NHS: variants seen among roughly 807,000 people sequenced by gnomAD.
NHS encodes the protein NHS actin remodeling regulator.
A neutral mutation model predicts 72.5 loss-of-function variants in NHS; 5 were observed. The observed-to-expected ratio is 0.07, with a 90% CI of 0.04 to 0.14. NHS has a LOEUF of 0.14. NHS is among the 10% of genes least tolerant of loss of function. The probability of loss-of-function intolerance (pLI) is 1.00; values close to 1 mark genes in which losing one functional copy is unlikely to be tolerated. For missense variants in NHS, 1,072 were observed against 1,355.7 expected (o/e 0.79, Z 3.29); for synonymous variants, 464 against 547.7 (o/e 0.85, Z 2.13).
At chrX:17,621,827 C>A (rs773098856) in intron 1 of NHS, among the ~76,000 whole-genome samples, 3 of 111,957 alleles carry the variant, frequency 2.7e-5, no homozygotes, top group Non-Finnish European at 3.8e-5. Flanking sequence ...TGCCCTAGCT[C>A]TGCTGTTCTC....
intron 3 of NHS, among the ~76,000 whole-genome samples, chrX:17,703,821 T>C (rs1015682635): frequency 9.8e-5 from 11 of 111,993 alleles, no homozygotes; most frequent in Non-Finnish European, 2.1e-4. Flanking sequence ...GCACATAACA[T>C]TGAGGCATAA....
rs753733275 is a variant in NHS, at chrX:17,463,870, G to A, written c.565+87548G>A. Among the ~76,000 whole-genome samples the A allele has an allele frequency of 1.4e-4, 16 of 112,208 alleles. No individual in the cohort carries two copies. In the South Asian group the frequency reaches 6.0e-3, roughly 42 times the overall value. ...GCCTGATCGAATGCTGATAGACTGA[G>A]TGGGGAAACCCAGCAAGGCCTGTCT... On this transcript the variant is annotated intron_variant, in intron 1 of 8. Coordinates refer to ENST00000676302, the MANE Select transcript of NHS (RefSeq NM_001291867.2).
chrX:17,693,846 T>C (rs1343379165), intron 3 of NHS, among the ~76,000 whole-genome samples: 2 of 112,450 alleles, frequency 1.8e-5, no homozygotes, highest in Middle Eastern at 4.2e-3. Flanking sequence ...TGCTAGTGAT[T>C]TGTCATAAAG....
intron 2 of NHS, among the ~76,000 whole-genome samples, chrX:17,691,549 C>T (rs768886218): frequency 1.1e-4 from 12 of 111,314 alleles, no homozygotes; most frequent in Non-Finnish European, 1.5e-4. Flanking sequence ...GCGAGGCACA[C>T]GGACAGCCAA....
chrX:17,696,679 A>G (rs1386845339), intron 3 of NHS, among the ~76,000 whole-genome samples: 2 of 111,971 alleles, frequency 1.8e-5, no homozygotes, highest in Non-Finnish European at 3.8e-5. Flanking sequence ...AATTGAATAC[A>G]TAGGTTTTTT....
chrX:17,691,936 G>A (rs191581344), intron 2 of NHS, among the ~76,000 whole-genome samples: 156 of 111,827 alleles, frequency 1.4e-3, no homozygotes, highest in African/African-American at 4.5e-3. Flanking sequence ...GCCAGCTCCC[G>A]TACCCAGTGG....
At chrX:17,400,599 AAAAG>A (rs1482604396) in intron 1 of NHS, among the ~76,000 whole-genome samples, 3 of 111,147 alleles carry the variant, frequency 2.7e-5, no homozygotes, top group African/African-American at 6.5e-5. Flanking sequence ...AAGAAAAAAA[AAAAG>A]AGAGAGAATG....
intron 1 of NHS, among the ~76,000 whole-genome samples, chrX:17,668,287 A>G (rs2066025152): frequency 9.1e-6 from 1 of 110,422 alleles, no homozygotes; most frequent in South Asian, 4.0e-4. Context: ...ACAAAAGTAC[A>G]GTTAAATAGA....
At chrX:17,394,010 C>A (rs1169509330) in intron 1 of NHS, among the ~76,000 whole-genome samples, 1 of 111,703 alleles carries the variant, frequency 9.0e-6, no homozygotes, top group Non-Finnish European at 1.9e-5. Flanking sequence ...TTCCGCCCCC[C>A]CACCGCACCC....
At chrX:17,549,332 G>A (rs1354868301) in intron 1 of NHS, among the ~76,000 whole-genome samples, 1 of 110,043 alleles carries the variant, frequency 9.1e-6, no homozygotes, top group African/African-American at 3.3e-5. Flanking sequence ...TTTCCTTTAA[G>A]TACTACTTTG....
At chrX:17,383,363 G>A (rs1455378106) in intron 1 of NHS, among the ~76,000 whole-genome samples, 3 of 111,384 alleles carry the variant, frequency 2.7e-5, no homozygotes, top group Non-Finnish European at 5.6e-5. Context: ...TTAGCCACAC[G>A]CCCAGCCCCT....
At chrX:17,717,427 A>G (rs1229316530) in intron 3 of NHS, among the ~76,000 whole-genome samples, 1 of 112,674 alleles carries the variant, frequency 8.9e-6, no homozygotes, top group Non-Finnish European at 1.9e-5. Context: ...GCAATCTAAC[A>G]AATGAAATAG....
At chrX:17,557,109 TTG>T (rs56659086) in intron 1 of NHS, 3,493 of 87,452 alleles carry the variant, frequency 0.04, 71 homozygotes, top group African/African-American at 0.072. Context: ...AAGGGGGATT[TTG>T]TGTGTGTGTG....
At chrX:17,697,921 C>A (rs1473524391) in intron 3 of NHS, among the ~76,000 whole-genome samples, 1 of 105,325 alleles carries the variant, frequency 9.5e-6, no homozygotes, top group East Asian at 3.0e-4. Context: ...AAAAAGAAGA[C>A]TACTAGCAAA....
intron 1 of NHS, among the ~76,000 whole-genome samples, chrX:17,653,319 A>G (rs1248226657): frequency 8.9e-6 from 1 of 111,897 alleles, no homozygotes; most frequent in Non-Finnish European, 1.9e-5. Context: ...CAGAGAGTCA[A>G]ATAATTTTCC....
At chrX:17,620,827 G>A (rs1043131401) in intron 1 of NHS, among the ~76,000 whole-genome samples, 1 of 111,370 alleles carries the variant, frequency 9.0e-6, no homozygotes, top group African/African-American at 3.3e-5. Context: ...TCCAGGAATG[G>A]GACTATGTCT....
At chrX:17,418,400 T>C (rs1416319562) in intron 1 of NHS, among the ~76,000 whole-genome samples, 1 of 111,668 alleles carries the variant, frequency 9.0e-6, no homozygotes, top group African/African-American at 3.3e-5. Context: ...CTCTGGGTAA[T>C]TTCCTCCTAC....
At chrX:17,623,925 C>A (rs1289320416) in intron 1 of NHS, among the ~76,000 whole-genome samples, 1 of 112,653 alleles carries the variant, frequency 8.9e-6, no homozygotes, top group Non-Finnish European at 1.9e-5. Context: ...CCTGCAGGGT[C>A]TGCATAGCAC....
chrX:17,401,729 C>T (rs921457112), intron 1 of NHS, among the ~76,000 whole-genome samples: 12 of 111,769 alleles, frequency 1.1e-4, no homozygotes, highest in Non-Finnish European at 1.3e-4. Flanking sequence ...TACATTCTGT[C>T]TCCATCTTTG....
Sources: allele counts gnomAD v4.1 joint callset (sites outside exome capture counted in the v4.1 genomes callset), GRCh38; gene constraint gnomAD v4.1.1; transcripts MANE v1.5; gene names NCBI Gene and HGNC (gene_info 2026-07-23, HGNC 2026-07-21).